SWT1: variants seen among roughly 807,000 people sequenced by gnomAD.
SWT1 encodes the protein SWT1 RNA endoribonuclease homolog, also known as transcriptional protein SWT1.
In SWT1, 33 loss-of-function variants were observed where a neutral mutation model predicts 107.3. The observed-to-expected ratio is 0.31, with a 90% CI of 0.23 to 0.41. The LOEUF (loss-of-function observed/expected upper bound fraction) is 0.41, where lower values mean the gene tolerates loss of function less well. Among genes scored for constraint, SWT1 ranks in the 10% least tolerant of loss-of-function variants. The probability of loss-of-function intolerance (pLI) is 1.00; values close to 1 mark genes in which losing one functional copy is unlikely to be tolerated. For missense variants in SWT1, 898 were observed against 1,028.9 expected (o/e 0.87, Z 1.74); for synonymous variants, 345 against 348.3 (o/e 0.99, Z 0.11).
intron 16 of SWT1, among the ~76,000 whole-genome samples, chr1:185,259,820 TA>T (rs1348226864): frequency 6.6e-6 from 1 of 152,148 alleles, no homozygotes; most frequent in Non-Finnish European, 1.5e-5. Context: ...TAAAGTTATC[TA>T]AAAATACTGA....
chr1:185,179,601 T>G (rs1655854140), intron 5 of SWT1, among the ~76,000 whole-genome samples: 1 of 152,222 alleles, frequency 6.6e-6, no homozygotes, highest in Non-Finnish European at 1.5e-5. Flanking sequence ...GTTCCTTCTG[T>G]TGTTTTATCA....
intron 4 of SWT1, chr1:185,171,519 C>G (rs2102332234): frequency 2.8e-6 from 1 of 352,792 alleles, no homozygotes; most frequent in African/African-American, 2.2e-5. Flanking sequence ...GCCCTTGCTC[C>G]TTTTGATCAC....
At position 185,271,915 on chromosome 1, in the gene SWT1, G is replaced by A. The variant is rs748056983; in HGVS notation, c.2508+526G>A. ...AAATATGAGAGTCCTAAAATAACACGCTTTCCTCAGTGCGAAATTGTTTCT... is the reference window on the plus strand; with the variant it reads ...AAATATGAGAGTCCTAAAATAACACACTTTCCTCAGTGCGAAATTGTTTCT... On this transcript the variant is annotated intron_variant, in intron 17 of 18. Coordinates refer to ENST00000367500, the MANE Select transcript of SWT1 (RefSeq NM_017673.7). Among the ~76,000 whole-genome samples, 78 of 152,204 alleles carry A rather than the reference G, an allele frequency of 5.1e-4. 1 individual carries two copies. Among genetic ancestry groups the A allele is most frequent in the Middle Eastern group, 6.8e-3 (2 of 294 alleles).
At chr1:185,167,231 C>A (rs1654660097) in intron 3 of SWT1, among the ~76,000 whole-genome samples, 1 of 152,194 alleles carries the variant, frequency 6.6e-6, no homozygotes, top group Non-Finnish European at 1.5e-5. Context: ...TTTTCAGATT[C>A]AGAAATCGAA....
chr1:185,211,671 A>G (rs1360123163), intron 13 of SWT1, among the ~76,000 whole-genome samples: 1 of 152,238 alleles, frequency 6.6e-6, no homozygotes, highest in Non-Finnish European at 1.5e-5. Flanking sequence ...TTCTAGAACT[A>G]GAAATACCAT....
intron 16 of SWT1, among the ~76,000 whole-genome samples, chr1:185,251,830 C>A (rs890602485): frequency 3.3e-5 from 5 of 151,512 alleles, no homozygotes; most frequent in African/African-American, 1.2e-4. Flanking sequence ...TTTTAGGGTA[C>A]ATGTGCACAT....
intron 18 of SWT1, among the ~76,000 whole-genome samples, chr1:185,282,749 G>A (rs775436526): frequency 5.3e-5 from 8 of 152,044 alleles, no homozygotes; most frequent in Admixed American, 5.2e-4. Flanking sequence ...TGTCAGAATT[G>A]AATTGAATTA....
intron 17 of SWT1, among the ~76,000 whole-genome samples, chr1:185,271,741 T>G (rs1350774524): frequency 6.6e-6 from 1 of 152,186 alleles, no homozygotes; most frequent in Non-Finnish European, 1.5e-5. Context: ...TAATACAGTC[T>G]TATTAACTAT....
At chr1:185,201,674 C>T (rs2102450244) in intron 10 of SWT1, among the ~76,000 whole-genome samples, 1 of 152,300 alleles carries the variant, frequency 6.6e-6, no homozygotes, top group East Asian at 1.9e-4. Context: ...CTGGGAGCTG[C>T]AGACTGGAGC....
Position 185,184,157 on chromosome 1 carries a change from T to C in SWT1, c.1139-86T>C, listed in dbSNP as rs878884170. ...AAGAGGCGTTTTAAATTTAATTGAA[T>C]TTTCAATGCTTCTGTAATATCAAAA... On this transcript the variant is annotated intron_variant, in intron 7 of 18. Transcript: ENST00000367500. The C allele has an allele frequency of 1.4e-4, 92 of 653,378 alleles. 2 individuals carry two copies. In the South Asian group the frequency reaches 1.9e-3, roughly 13 times the overall value. The allele number at this position is 653,378 out of a possible 1,614,324, so 40.5% of individuals were successfully genotyped here.
chr1:185,232,447 C>T (rs534554308), intron 16 of SWT1, among the ~76,000 whole-genome samples: 187 of 152,270 alleles, frequency 1.2e-3, no homozygotes, highest in African/African-American at 4.0e-3. Context: ...TACTTGGTAT[C>T]GTACTAGGCA....
At chr1:185,180,913 T>A (rs1365577285) in intron 6 of SWT1, among the ~76,000 whole-genome samples, 1 of 152,234 alleles carries the variant, frequency 6.6e-6, no homozygotes, top group African/African-American at 2.4e-5. Flanking sequence ...CTTCATAGAA[T>A]TTTATGTTGA....
At chr1:185,210,810 C>T (rs915361722) in intron 13 of SWT1, among the ~76,000 whole-genome samples, 1 of 152,126 alleles carries the variant, frequency 6.6e-6, no homozygotes, top group Admixed American at 6.5e-5. Flanking sequence ...CATCTCATCC[C>T]AAAATCTCCT....
Position 185,181,478 on chromosome 1 carries a change from A to G in SWT1, c.1027-468A>G, listed in dbSNP as rs145060637. ...GGTTTTAAGATCTAGATTTCAGTTTATGATGGTTCATAACAATCTTAGAAA... is the reference window on the plus strand; with the variant it reads ...GGTTTTAAGATCTAGATTTCAGTTTGTGATGGTTCATAACAATCTTAGAAA... On this transcript the variant is annotated intron_variant, in intron 6 of 18. Coordinates refer to ENST00000367500, the MANE Select transcript of SWT1 (RefSeq NM_017673.7). Among the ~76,000 whole-genome samples, 882 of 152,318 alleles carry G rather than the reference A, an allele frequency of 5.8e-3. 8 individuals carry two copies. Among genetic ancestry groups the G allele is most frequent in the African/African-American group, 0.02 (847 of 41,562 alleles).
At chr1:185,266,831 C>T (rs1424644507) in intron 16 of SWT1, among the ~76,000 whole-genome samples, 1 of 152,280 alleles carries the variant, frequency 6.6e-6, no homozygotes, top group East Asian at 1.9e-4. Context: ...AGTGTCAGTT[C>T]TGTTAACCAA....
At chr1:185,254,771 C>G (rs10911695) in intron 16 of SWT1, among the ~76,000 whole-genome samples, 1 of 144,402 alleles carries the variant, frequency 6.9e-6, no homozygotes, top group African/African-American at 2.6e-5. Context: ...TTTTGTGTCT[C>G]TATTTCCTTC....
At chr1:185,257,825 G>T (rs1420535626) in intron 16 of SWT1, 1 of 152,150 alleles carries the variant, frequency 6.6e-6, no homozygotes, top group Non-Finnish European at 1.5e-5. Context: ...ATTTTTTATT[G>T]TGATTATTGG....
chr1:185,256,276 G>A (rs1255958456), intron 16 of SWT1, among the ~76,000 whole-genome samples: 18 of 150,454 alleles, frequency 1.2e-4, no homozygotes, highest in Non-Finnish European at 1.8e-4. Flanking sequence ...TGCTCTTCTC[G>A]AGGAGTATCT....
At chr1:185,254,245 T>G (rs1662289845) in intron 16 of SWT1, among the ~76,000 whole-genome samples, 1 of 125,064 alleles carries the variant, frequency 8.0e-6, no homozygotes, top group Non-Finnish European at 1.6e-5. Flanking sequence ...ATTCTCTTTT[T>G]TTGTTGTGTC....
Sources: gnomAD v4.1 joint callset for allele counts (sites outside exome capture counted in the v4.1 genomes callset) on GRCh38, gnomAD v4.1.1 for gene constraint, MANE v1.5 for transcripts, NCBI Gene and HGNC (gene_info 2026-07-23, HGNC 2026-07-21) for gene names.